The following WWP1 variants were observed in gnomAD, a reference collection of about 807,000 sequenced individuals.
WWP1 encodes WW domain containing E3 ubiquitin protein ligase 1, also known as NEDD4-like E3 ubiquitin-protein ligase WWP1.
WWP1 carries 49 observed loss-of-function variants against 130.6 expected under a neutral mutation model. The observed-to-expected ratio is 0.38, with a 90% CI of 0.30 to 0.48. WWP1 has a LOEUF of 0.48. Among genes scored for constraint, WWP1 ranks in the 20% least tolerant of loss-of-function variants. The pLI, the probability that WWP1 is intolerant of heterozygous loss-of-function variation, is 0.99. For synonymous variants in WWP1, 332 were observed against 367.8 expected (o/e 0.90, Z 1.11); for missense variants, 809 against 1,100.6 (o/e 0.74, Z 3.75).
chr8:86,415,479 A>G (rs967693932), intron 9 of WWP1, among the ~76,000 whole-genome samples: 2 of 152,202 alleles, frequency 1.3e-5, no homozygotes, highest in Admixed American at 1.3e-4. Context: ...TTGCCCCTCA[A>G]CACTTCAGCT....
intron 11 of WWP1, among the ~76,000 whole-genome samples, chr8:86,429,191 G>T (rs928829858): frequency 1.8e-4 from 28 of 152,364 alleles, no homozygotes; most frequent in African/African-American, 6.7e-4. Flanking sequence ...TGAAAGGGCA[G>T]ATGGCTCTGT....
At position 86,467,249 on chromosome 8, in the gene WWP1, C is replaced by G. The variant is rs879287721; in HGVS notation, c.*356C>G. 1.2e-5 allele frequency: 2 copies of G among 167,280 alleles called. No individual in the cohort carries two copies. The highest frequency in any genetic ancestry group is 2.5e-5 in the Non-Finnish European group (2 of 78,560). 10.4% of individuals were successfully genotyped at this position (167,280 alleles called of 1,614,324 possible). ...ATTCATTCATAAAGATCTGGATTTG[C>G]TTTACCTTGTTAATATTATCTAGGG... On this transcript the variant is annotated 3_prime_UTR_variant, in exon 25 of 25. Transcript: ENST00000517970.
At chr8:86,441,142 C>T (rs1810570268) in intron 17 of WWP1, among the ~76,000 whole-genome samples, 1 of 152,202 alleles carries the variant, frequency 6.6e-6, no homozygotes, top group Admixed American at 6.5e-5. Flanking sequence ...TGAGTTTTCT[C>T]TGGGCTGTTG....
At chr8:86,345,237 T>A (rs1377897247) in intron 1 of WWP1, among the ~76,000 whole-genome samples, 1 of 152,182 alleles carries the variant, frequency 6.6e-6, no homozygotes, top group African/African-American at 2.4e-5. Flanking sequence ...TCATGAAGCT[T>A]TACCCTCAGC....
At chr8:86,376,714 G>A (rs935687714) in intron 3 of WWP1, among the ~76,000 whole-genome samples, 2 of 152,180 alleles carry the variant, frequency 1.3e-5, no homozygotes, top group Non-Finnish European at 2.9e-5. Flanking sequence ...AGTCTAAGTA[G>A]CCAAAACAAT....
At chr8:86,402,642 C>A (rs1009702316) in intron 8 of WWP1, among the ~76,000 whole-genome samples, 1 of 152,116 alleles carries the variant, frequency 6.6e-6, no homozygotes, top group Non-Finnish European at 1.5e-5. Context: ...TTAAAAATTA[C>A]AATGCCTGAA....
chr8:86,379,711 G>A (rs1034218715), intron 3 of WWP1, among the ~76,000 whole-genome samples: 3 of 152,148 alleles, frequency 2.0e-5, no homozygotes, highest in African/African-American at 4.8e-5. Flanking sequence ...ATTTGAAAAT[G>A]CAAATACTAC....
chr8:86,410,856 G>A (rs887471059), intron 8 of WWP1, among the ~76,000 whole-genome samples: 3 of 151,900 alleles, frequency 2.0e-5, no homozygotes, highest in Admixed American at 2.0e-4. Context: ...TTGTGATTAT[G>A]TCTCCCTCTG....
At chr8:86,388,495 T>G (rs1219669457) in intron 5 of WWP1, among the ~76,000 whole-genome samples, 1 of 152,198 alleles carries the variant, frequency 6.6e-6, no homozygotes, top group Non-Finnish European at 1.5e-5. Flanking sequence ...TTCATTATGA[T>G]TTGCTGCCAT....
chr8:86,362,163 C>CCTCATATAT, intron 1 of WWP1, among the ~76,000 whole-genome samples: 1 of 59,022 alleles, frequency 1.7e-5, no homozygotes, highest in East Asian at 5.4e-4. Context: ...ATATACAAGG[C>CCTCATATAT]ATATATATAT....
At chr8:86,350,680 T>C (rs529699502) in intron 1 of WWP1, among the ~76,000 whole-genome samples, 1 of 152,298 alleles carries the variant, frequency 6.6e-6, no homozygotes, top group Non-Finnish European at 1.5e-5. Flanking sequence ...AAAAATATCC[T>C]AGCATTAACA....
chr8:86,377,847 T>C lies in WWP1; in HGVS notation c.71-2879T>C, dbSNP rs557048600. Among the ~76,000 whole-genome samples, 3 of 152,300 alleles carry C rather than the reference T, an allele frequency of 2.0e-5. No homozygotes were observed. The South Asian group carries it at 6.2e-4, about 32-fold the overall frequency. On this transcript the variant is annotated intron_variant, in intron 3 of 24. Coordinates refer to ENST00000517970, the MANE Select transcript of WWP1 (RefSeq NM_007013.4). The stretch of plus-strand genomic sequence containing the variant: ...GTTTATAATTTTTTTTTAGCTATTG[T>C]GTCTTCTAAAGCATTTTCACTTTTT...
At position 86,466,900 on chromosome 8, in the gene WWP1, C is replaced by T. The variant is rs187543173; in HGVS notation, c.*7C>T. 6.3e-7 allele frequency: 1 copy of T among 1,597,626 alleles called. No homozygotes were observed. The highest frequency in any genetic ancestry group is 8.5e-7 in the Non-Finnish European group (1 of 1,173,122). On this transcript the variant is annotated 3_prime_UTR_variant, in exon 25 of 25. Transcript: ENST00000517970. ...GGGATTTGGACAAGAATGAATGTGG[C>T]TTCTTATTTTGGAGGAGCTCTTGCA...
intron 16 of WWP1, among the ~76,000 whole-genome samples, chr8:86,437,998 C>G (rs1010176548): frequency 1.4e-4 from 21 of 152,102 alleles, no homozygotes; most frequent in Non-Finnish European, 8.8e-5. Context: ...GACGGGGTTT[C>G]ACCATGTTAG....
At chr8:86,392,688 CTGAG>C (rs1248218884) in intron 5 of WWP1, among the ~76,000 whole-genome samples, 2 of 152,166 alleles carry the variant, frequency 1.3e-5, no homozygotes, top group African/African-American at 4.8e-5. Context: ...GCCTTATTAA[CTGAG>C]TGAATTTGCT....
At chr8:86,418,433 A>G (rs1809010403) in intron 9 of WWP1, among the ~76,000 whole-genome samples, 2 of 152,104 alleles carry the variant, frequency 1.3e-5, no homozygotes, top group South Asian at 2.1e-4. Flanking sequence ...GGGTGCTTCT[A>G]CTTGGGGTTC....
At chr8:86,380,938 A>G in intron 4 of WWP1, 74 bp downstream of exon 4, 1 of 1,428,472 alleles carries the variant, frequency 7.0e-7, no homozygotes, top group Non-Finnish European at 9.2e-7. Context: ...TTTGTTTTGT[A>G]AAATGACTTC....
At chr8:86,442,290 C>T (rs1810633884) in intron 17 of WWP1, 1 of 166,168 alleles carries the variant, frequency 6.0e-6, no homozygotes, top group Admixed American at 6.3e-5. Flanking sequence ...TACAAATACA[C>T]TGGAAATTGC....
chr8:86,465,258 C>T (rs900743364), intron 24 of WWP1, among the ~76,000 whole-genome samples: 1 of 152,158 alleles, frequency 6.6e-6, no homozygotes, highest in Middle Eastern at 3.4e-3. Flanking sequence ...CATAGCAACT[C>T]GAAAGCAGCA....
Sources: allele counts gnomAD v4.1 joint callset (sites outside exome capture counted in the v4.1 genomes callset), GRCh38; gene constraint gnomAD v4.1.1; transcripts MANE v1.5; gene names NCBI Gene and HGNC (gene_info 2026-07-23, HGNC 2026-07-21).